TYW5: variants seen among roughly 807,000 people sequenced by gnomAD.
TYW5 encodes tRNA-yW synthesizing protein 5.
TYW5 carries 36 observed loss-of-function variants against 44.4 expected under a neutral mutation model. That is an observed-to-expected ratio of 0.81 (90% confidence interval 0.62 to 1.07). TYW5 has a LOEUF of 1.07. Ranked by LOEUF, TYW5 falls within the 50% of genes least tolerant of loss-of-function variation. The pLI, the probability that TYW5 is intolerant of heterozygous loss-of-function variation, is 0.00. For missense variants in TYW5, 354 were observed against 365.7 expected, an observed-to-expected ratio of 0.97 and a Z score of 0.26; for synonymous variants, 121 against 128.1, an observed-to-expected ratio of 0.94 and a Z score of 0.37.
At chr2:199,935,454 T>C (rs1282925138) in intron 7 of TYW5, among the ~76,000 whole-genome samples, 1 of 151,912 alleles carries the variant, frequency 6.6e-6, no homozygotes, top group African/African-American at 2.4e-5. Context: ...GAGATCCTTC[T>C]GCCTCAGCCT....
At position 199,929,323 on chromosome 2, in the gene TYW5, A is replaced by G. The variant is rs1273173877; in HGVS notation, c.*3744T>C. 2.0e-5 allele frequency among the ~76,000 whole-genome samples: 3 copies of G among 152,124 alleles called. No individual in the cohort carries two copies. The highest frequency in any genetic ancestry group is 4.4e-5 in the Non-Finnish European group (3 of 68,002). ...GCACGTTGTGCACATGTACCCTAGA[A>G]CTTAAAAGTATAATAAAAAAATAAA... On this transcript the variant is annotated 3_prime_UTR_variant, in exon 8 of 8. Transcript: ENST00000354611.
At chr2:199,951,049 A>C (rs2077540991) in intron 1 of TYW5, among the ~76,000 whole-genome samples, 1 of 152,206 alleles carries the variant, frequency 6.6e-6, no homozygotes, top group Non-Finnish European at 1.5e-5. Flanking sequence ...ACTTTTATTA[A>C]TCCTTCTTAA....
intron 2 of TYW5, 63 bp from the exon 3 acceptor site, chr2:199,943,897 T>C (rs575739652): frequency 8.0e-7 from 1 of 1,245,592 alleles, no homozygotes; most frequent in Non-Finnish European, 1.1e-6. Flanking sequence ...AAGAATCTAA[T>C]CACTATACAT....
chr2:199,935,719 AACACACACACACACAC>A (rs142361195), intron 7 of TYW5, among the ~76,000 whole-genome samples, 196 bp downstream of exon 7: 2,990 of 138,148 alleles, frequency 0.022, 48 homozygotes, highest in South Asian at 0.041. Flanking sequence ...GCCTGCTTTA[AACACACACACACACAC>A]ACACACACAC....
Position 199,931,117 on chromosome 2 carries a change from C to G in TYW5, c.*1950G>C, listed in dbSNP as rs1364520005. The stretch of plus-strand genomic sequence containing the variant: ...ACTTTTAAAATATTATAAATTAATA[C>G]TGCAACAGGAGCTACCTCAAATCTC... On this transcript the variant is annotated 3_prime_UTR_variant, in exon 8 of 8. Coordinates refer to ENST00000354611, the MANE Select transcript of TYW5 (RefSeq NM_001039693.3). The G allele has an allele frequency of 6.6e-6, 1 of 152,128 alleles. No homozygotes were observed. Among genetic ancestry groups the G allele is most frequent in the African/African-American group, 2.4e-5 (1 of 41,434 alleles). 9.4% of individuals were successfully genotyped at this position (152,128 alleles called of 1,614,324 possible).
intron 1 of TYW5, among the ~76,000 whole-genome samples, chr2:199,950,059 G>A (rs1225303671): frequency 6.6e-6 from 1 of 152,108 alleles, no homozygotes; most frequent in African/African-American, 2.4e-5. Flanking sequence ...ATTTCTTAAA[G>A]TAGTTCTGGT....
At chr2:199,936,559 G>T (rs2105693038) in intron 5 of TYW5, 67 bp from the exon 6 acceptor site, 1 of 1,365,046 alleles carries the variant, frequency 7.3e-7, no homozygotes, top group Non-Finnish European at 1.0e-6. Flanking sequence ...CCAATGGCAT[G>T]CTAAACTTTA....
Position 199,930,887 on chromosome 2 carries a change from A to G in TYW5, c.*2180T>C, listed in dbSNP as rs1044320668. On this transcript the variant is annotated 3_prime_UTR_variant, in exon 8 of 8. Coordinates refer to ENST00000354611, the MANE Select transcript of TYW5 (RefSeq NM_001039693.3). Reference sequence around the variant, plus strand: ...GATGGCTTCTAAGATCTCTTTCAATAAAAAAGTTCTAAGATTCAGAATTCC... The same window carrying G: ...GATGGCTTCTAAGATCTCTTTCAATGAAAAAGTTCTAAGATTCAGAATTCC... The G allele has an allele frequency of 2.6e-5, 4 of 152,194 alleles. No individual in the cohort carries two copies. Among genetic ancestry groups the G allele is most frequent in the Non-Finnish European group, 4.4e-5 (3 of 68,032 alleles). 9.4% of individuals were successfully genotyped at this position (152,194 alleles called of 1,614,324 possible). A position where few individuals can be genotyped will look rare whatever the true frequency, so the allele number is the denominator to read the frequency against.
In TYW5 at chr2:199,932,027, T is replaced by TAAA. The variant is rs2077382198; in HGVS notation, c.*1039_*1040insTTT. The TAAA allele has an allele frequency of 2.1e-4, 1 of 4,692 alleles. No individual in the cohort carries two copies. Among genetic ancestry groups the TAAA allele is most frequent in the African/African-American group, 1.1e-3 (1 of 898 alleles). The allele number at this position is 4,692 out of a possible 1,614,324, so 0.3% of individuals were successfully genotyped here. On this transcript the variant is annotated 3_prime_UTR_variant, in exon 8 of 8. Transcript: ENST00000354611. ...CTAAGGTTTAGACATAGGTATAAAT[T>TAAA]ATTTATTTTGTAACATTCAAAAACC...
intron 5 of TYW5, among the ~76,000 whole-genome samples, chr2:199,937,078 C>T (rs867978630): frequency 3.3e-5 from 5 of 151,710 alleles, no homozygotes; most frequent in South Asian, 2.1e-4. Context: ...TTGGAGCAAT[C>T]GTTTCCCATG....
In TYW5 at chr2:199,935,970, C is replaced by T; in HGVS notation, c.652G>A (p.Glu218Lys). The T allele has an allele frequency of 6.2e-7, 1 of 1,612,844 alleles. No homozygotes were observed. Among genetic ancestry groups the T allele is most frequent in the Non-Finnish European group, 8.5e-7 (1 of 1,179,264 alleles). Reference sequence around the variant, plus strand: ...ACATCACCAGCTTCAAGGGAACATTCATATCTTCTAGCCTTGGAAAAAAGT... The same window carrying T: ...ACATCACCAGCTTCAAGGGAACATTTATATCTTCTAGCCTTGGAAAAAAGT... The part of the protein sequence containing the change: ...YPLFSKARRY[E>K]CSLEAGDVLF... The change falls in exon 7 of 8, where the codon GAA becomes AAA. Residue 218 changes from glutamate (E) to lysine (K), a missense_variant. Coordinates refer to ENST00000354611, the MANE Select transcript of TYW5 (RefSeq NM_001039693.3).
intron 7 of TYW5, among the ~76,000 whole-genome samples, chr2:199,935,178 G>C (rs2077408945): frequency 6.6e-6 from 1 of 151,712 alleles, no homozygotes; most frequent in African/African-American, 2.4e-5. Flanking sequence ...AAACGAACAA[G>C]TATAATCTTT....
At chr2:199,943,059 T>C (rs1229483027) in intron 3 of TYW5, 2 of 152,194 alleles carry the variant, frequency 1.3e-5, no homozygotes, top group East Asian at 3.9e-4. Flanking sequence ...TTTCTCCATG[T>C]TGGTCAGGCT....
At position 199,932,896 on chromosome 2, in the gene TYW5, G is replaced by T; in HGVS notation, c.*171C>A. 1 of 764,382 alleles carries T rather than the reference G, an allele frequency of 1.3e-6. No individual in the cohort carries two copies. The highest frequency in any genetic ancestry group is 2.0e-6 in the Non-Finnish European group (1 of 494,988). 47.3% of individuals were successfully genotyped at this position (764,382 alleles called of 1,614,324 possible). ...ATCTGAATGTTAAAGAGTGGTCCCA[G>T]CACAGCATTCTTTAATTATAACAAT... On this transcript the variant is annotated 3_prime_UTR_variant, in exon 8 of 8. Transcript: ENST00000354611.
At chr2:199,943,231 T>C (rs1459848793) in intron 3 of TYW5, 1 of 152,330 alleles carries the variant, frequency 6.6e-6, no homozygotes, top group African/African-American at 2.4e-5. Context: ...AATTGAATTA[T>C]TTAAAGCTAG....
chr2:199,948,804 C>T (rs1012978454), intron 1 of TYW5, among the ~76,000 whole-genome samples: 4 of 152,248 alleles, frequency 2.6e-5, no homozygotes, highest in African/African-American at 9.6e-5. Flanking sequence ...AAGAGCACTA[C>T]AAAGAATTTC....
intron 1 of TYW5, among the ~76,000 whole-genome samples, chr2:199,951,061 T>TGTAGCTCATGTA (rs1215691042): frequency 2.0e-5 from 3 of 152,228 alleles, no homozygotes; most frequent in Non-Finnish European, 4.4e-5. Context: ...CCTTCTTAAA[T>TGTAGCTCATGTA]GTACATGTAG....
Position 199,952,800 on chromosome 2 carries a change from G to A in TYW5, c.78+2593C>T, listed in dbSNP as rs778961632. 5.3e-5 allele frequency among the ~76,000 whole-genome samples: 8 copies of A among 152,202 alleles called. No homozygotes were observed. In the Middle Eastern group the frequency reaches 0.014, roughly 259 times the overall value. Reference sequence around the variant, plus strand: ...TAGCTTCATTTTGTTTTGTATTGCCGAGTGTACTCACAACTTGTGTAGTTT... The same window carrying A: ...TAGCTTCATTTTGTTTTGTATTGCCAAGTGTACTCACAACTTGTGTAGTTT... On this transcript the variant is annotated intron_variant, in intron 1 of 7. Transcript: ENST00000354611.
chr2:199,953,457 T>C lies in TYW5; in HGVS notation c.78+1936A>G, dbSNP rs974402812. 1.3e-4 allele frequency among the ~76,000 whole-genome samples: 20 copies of C among 152,382 alleles called. No individual in the cohort carries two copies. In the South Asian group the frequency reaches 4.1e-3, roughly 32 times the overall value. On this transcript the variant is annotated intron_variant, in intron 1 of 7. Transcript: ENST00000354611. The stretch of plus-strand genomic sequence containing the variant: ...GGGCAGAAAGGACATGAGAAATCTC[T>C]GTACCTTTGGTCAATTGTGCTGTGA...
Sources: allele counts gnomAD v4.1 joint callset (sites outside exome capture counted in the v4.1 genomes callset), GRCh38; gene constraint gnomAD v4.1.1; transcripts MANE v1.5; gene names NCBI Gene and HGNC (gene_info 2026-07-23, HGNC 2026-07-21).